PCDHGA2: variants seen among roughly 807,000 people sequenced by gnomAD.
The protein encoded by PCDHGA2 is protocadherin gamma-A2.
Under a neutral mutation model 59.2 loss-of-function variants are expected in PCDHGA2, and 40 were observed. That is an observed-to-expected ratio of 0.68 (90% CI 0.52 to 0.88). The LOEUF is 0.88. Among genes scored for constraint, PCDHGA2 ranks in the 40% least tolerant of loss-of-function variants. The pLI is 0.00. For missense variants in PCDHGA2, 1,226 were observed against 1,204.0 expected, an observed-to-expected ratio of 1.02 and a Z score of -0.27; for synonymous variants, 560 against 526.0, an observed-to-expected ratio of 1.06 and a Z score of -0.89.
chr5:141,345,624 C>T (rs982892208), intron 1 of PCDHGA2: 1 of 1,614,210 alleles, frequency 6.2e-7, no homozygotes, highest in East Asian at 2.2e-5. Flanking sequence ...CTTAAAGCTA[C>T]TGGTGACAGC....
chr5:141,427,840 A>G (rs779622800), intron 1 of PCDHGA2: 1 of 1,548,180 alleles, frequency 6.5e-7, no homozygotes, highest in Non-Finnish European at 8.8e-7. Flanking sequence ...CGTGCCTTCG[A>G]CCACGAGCAG....
intron 1 of PCDHGA2, chr5:141,424,160 C>A (rs187420643): frequency 6.3e-4 from 172 of 273,324 alleles, no homozygotes; most frequent in South Asian, 2.2e-3. Flanking sequence ...CTCTCCTTCT[C>A]ATCTATCTAT....
chr5:141,403,120 C>T, intron 1 of PCDHGA2: 2 of 1,614,050 alleles, frequency 1.2e-6, no homozygotes, highest in Non-Finnish European at 1.7e-6. Flanking sequence ...CTCTGGAGCC[C>T]CGGGAGCTGG....
chr5:141,405,407 CTTTT>C (rs762612492), intron 1 of PCDHGA2: 1 of 1,581,924 alleles, frequency 6.3e-7, no homozygotes, highest in Non-Finnish European at 8.6e-7. Flanking sequence ...TCTTTCTTTT[CTTTT>C]TTTGTTTTTT....
chr5:141,364,683 G>C, intron 1 of PCDHGA2: 1 of 1,613,976 alleles, frequency 6.2e-7, no homozygotes, highest in Non-Finnish European at 8.5e-7. Flanking sequence ...AAAATTTATG[G>C]AGTAGAAGTA....
Position 141,485,790 on chromosome 5 carries a change from C to T in PCDHGA2, c.2425-9017C>T. On this transcript the variant is annotated intron_variant, in intron 1 of 3. Transcript: ENST00000394576. This position sits in a 1 kb window ranked among gnomAD's most constrained non-coding sequence, Gnocchi z 5.7. The stretch of plus-strand genomic sequence containing the variant: ...AAGCCTTTGGATCGAGAGAAGCAAT[C>T]GGACTACCGCCTGGTGCTGACTGCT... 6.2e-7 allele frequency: 1 copy of T among 1,614,204 alleles called. No homozygotes were observed. Among genetic ancestry groups the T allele is most frequent in the Non-Finnish European group, 8.5e-7 (1 of 1,180,032 alleles).
rs751047365 is a variant in PCDHGA2 at position 141,419,570 on chromosome 5, G to C, written c.2425-75237G>C. On this transcript the variant is annotated intron_variant, in intron 1 of 3. Transcript: ENST00000394576. ...GCTGTACCCTGCGCTGGGTCCCGAC[G>C]GCTCCGCGCTCTTCGACACAGTGCC... 5.6e-6 allele frequency: 9 copies of C among 1,611,766 alleles called. No individual in the cohort carries two copies. The South Asian group carries it at 8.8e-5, about 16-fold the overall frequency.
chr5:141,387,736 A>C, intron 1 of PCDHGA2: 3 of 1,307,572 alleles, frequency 2.3e-6, no homozygotes, highest in East Asian at 2.5e-5. Flanking sequence ...GCCAGCCTTT[A>C]CACCGCTTCC....
chr5:141,394,196 C>T, intron 1 of PCDHGA2: 1 of 1,613,910 alleles, frequency 6.2e-7, no homozygotes, highest in Non-Finnish European at 8.5e-7. Flanking sequence ...CAGCGTATAT[C>T]CTAGAGAACA....
At chr5:141,375,802 T>A (rs754541889) in intron 1 of PCDHGA2, 3 of 1,614,190 alleles carry the variant, frequency 1.9e-6, no homozygotes, top group East Asian at 2.2e-5. Flanking sequence ...ACGGTTCCAC[T>A]GGCGTGGAGC....
chr5:141,511,031 A>G lies in PCDHGA2; in HGVS notation c.2657A>G (p.Gln886Arg). 6.2e-7 allele frequency: 1 copy of G among 1,614,244 alleles called. No individual in the cohort carries two copies. The highest frequency in any genetic ancestry group is 8.5e-7 in the Non-Finnish European group (1 of 1,180,034). ...SARYGPQFTL[Q>R]HVPDYRQNVY... Reference sequence around the variant, plus strand: ...CGCTACGGACCCCAGTTCACCCTGCAGCACGTGCCCGACTACCGCCAGAAT... The same window carrying G: ...CGCTACGGACCCCAGTTCACCCTGCGGCACGTGCCCGACTACCGCCAGAAT... The change falls in exon 4 of 4, where the codon CAG (glutamine) becomes CGG (arginine). Residue 886 changes from glutamine to arginine, a missense_variant. Gln to Arg is a conservative substitution (Grantham distance 43). Coordinates refer to ENST00000394576, the MANE Select transcript of PCDHGA2 (RefSeq NM_018915.4).
chr5:141,405,354 T>G lies in PCDHGA2; in HGVS notation c.2424+63959T>G, dbSNP rs781757006. The G allele has an allele frequency of 3.7e-6, 6 of 1,614,112 alleles. No homozygotes were observed. In the East Asian group the frequency reaches 1.3e-4, roughly 36 times the overall value. On this transcript the variant is annotated intron_variant, in intron 1 of 3. Coordinates refer to ENST00000394576, the MANE Select transcript of PCDHGA2 (RefSeq NM_018915.4). The stretch of plus-strand genomic sequence containing the variant: ...GTCTCTGTTGATTCCAAGTTTCCTA[T>G]AGAAGACACCCCTTTGGTTCCGGTG...
chr5:141,413,816 T>A (rs1422730893), intron 1 of PCDHGA2: 1 of 1,613,128 alleles, frequency 6.2e-7, no homozygotes, highest in Non-Finnish European at 8.5e-7. Flanking sequence ...ATTCACCACC[T>A]GGTCCTCACC....
chr5:141,364,576 C>A, intron 1 of PCDHGA2: 2 of 1,614,210 alleles, frequency 1.2e-6, no homozygotes, highest in East Asian at 4.5e-5. Context: ...CGCGAAGCGG[C>A]AGCTTGGTCA....
intron 1 of PCDHGA2, among the ~76,000 whole-genome samples, chr5:141,457,729 T>A (rs950979422): frequency 2.0e-5 from 3 of 152,236 alleles, no homozygotes; most frequent in Non-Finnish European, 4.4e-5. Context: ...GAATTTCAGA[T>A]TAGACTTTTA....
At chr5:141,462,360 A>G (rs1400686908) in intron 1 of PCDHGA2, among the ~76,000 whole-genome samples, 1 of 152,238 alleles carries the variant, frequency 6.6e-6, no homozygotes, top group Non-Finnish European at 1.5e-5. Flanking sequence ...TATACATTGT[A>G]TAGTTTCTAT....
At chr5:141,498,429 G>T (rs1595525351) in intron 2 of PCDHGA2, among the ~76,000 whole-genome samples, 1 of 152,290 alleles carries the variant, frequency 6.6e-6, no homozygotes, top group East Asian at 1.9e-4. Flanking sequence ...GGAGTGAGGG[G>T]ATGAAGAGGA....
At chr5:141,363,378 T>C (rs1334101869) in intron 1 of PCDHGA2, among the ~76,000 whole-genome samples, 2 of 152,250 alleles carry the variant, frequency 1.3e-5, no homozygotes, top group Admixed American at 6.5e-5. Context: ...AAGAGGTTTT[T>C]CTATTTCTGT....
rs748828282 is a variant in PCDHGA2 at position 141,491,412 on chromosome 5, C to T, written c.2425-3395C>T. The T allele has an allele frequency of 3.1e-6, 5 of 1,613,944 alleles. No homozygotes were observed. The African/African-American group carries it at 5.3e-5, about 17-fold the overall frequency. Reference sequence around the variant, plus strand: ...GCCTTCAGGGAAACGCAGACGGGGACGGGGGTGGAGGGCAGTGCTGCAGGC... The same window carrying T: ...GCCTTCAGGGAAACGCAGACGGGGATGGGGGTGGAGGGCAGTGCTGCAGGC... On this transcript the variant is annotated intron_variant, in intron 1 of 3. Coordinates refer to ENST00000394576, the MANE Select transcript of PCDHGA2 (RefSeq NM_018915.4). The surrounding 1 kb of genome is among the most constrained non-coding windows in gnomAD (Gnocchi z 6.9).
Sources: allele counts gnomAD v4.1 joint callset (sites outside exome capture counted in the v4.1 genomes callset), GRCh38; gene constraint gnomAD v4.1.1; non-coding constraint Gnocchi (gnomAD v3.1); transcripts MANE v1.5; gene names NCBI Gene and HGNC (gene_info 2026-07-23, HGNC 2026-07-21).